The following FRMD4B variants were observed in gnomAD, a reference collection of about 807,000 sequenced individuals.
FRMD4B encodes the protein FERM domain-containing protein 4B.
Under a neutral mutation model 141.5 loss-of-function variants are expected in FRMD4B, and 74 were observed. The observed-to-expected ratio is 0.52, with a 90% CI of 0.43 to 0.63. FRMD4B has a LOEUF of 0.63. FRMD4B is among the 30% of genes least tolerant of loss of function. The probability of loss-of-function intolerance (pLI) is 0.00; values close to 1 mark genes in which losing one functional copy is unlikely to be tolerated. For synonymous variants in FRMD4B, 506 were observed against 467.9 expected, an observed-to-expected ratio of 1.08 and a Z score of -1.05; for missense variants, 1,366 against 1,253.4, an observed-to-expected ratio of 1.09 and a Z score of -1.36.
At chr3:69,461,450 C>A (rs1705705743) in intron 1 of FRMD4B, among the ~76,000 whole-genome samples, 1 of 151,378 alleles carries the variant, frequency 6.6e-6, no homozygotes, top group Non-Finnish European at 1.5e-5. Context: ...CATAGTGAGA[C>A]CCCCATCTCT....
chr3:69,299,051 G>A (rs1459524031), intron 4 of FRMD4B, among the ~76,000 whole-genome samples: 2 of 152,006 alleles, frequency 1.3e-5, no homozygotes, highest in Non-Finnish European at 2.9e-5. Flanking sequence ...GAATGCATTT[G>A]TTTATGTGTA....
At chr3:69,425,149 G>A (rs1367243671) in intron 2 of FRMD4B, among the ~76,000 whole-genome samples, 4 of 152,140 alleles carry the variant, frequency 2.6e-5, no homozygotes, top group Non-Finnish European at 5.9e-5. Context: ...AATTTATATA[G>A]TATTTCCATG....
chr3:69,300,303 C>T (rs1296465312), intron 4 of FRMD4B, among the ~76,000 whole-genome samples: 1 of 152,144 alleles, frequency 6.6e-6, no homozygotes, highest in African/African-American at 2.4e-5. Flanking sequence ...TCTCACTATA[C>T]TGTTGGGAGG....
chr3:69,464,796 T>A (rs9284822), intron 1 of FRMD4B, among the ~76,000 whole-genome samples: 4,635 of 152,176 alleles, frequency 0.03, 249 homozygotes, highest in African/African-American at 0.11. Flanking sequence ...AACAACTATC[T>A]CGATCCAACT....
chr3:69,537,377 C>G (rs182290703), intron 1 of FRMD4B, among the ~76,000 whole-genome samples: 13 of 152,310 alleles, frequency 8.5e-5, no homozygotes, highest in African/African-American at 2.9e-4. Flanking sequence ...GGCTGAAGAG[C>G]TGCAGAATAG....
chr3:69,188,164 C>T (rs966336947), intron 18 of FRMD4B, among the ~76,000 whole-genome samples: 2 of 152,154 alleles, frequency 1.3e-5, no homozygotes, highest in Non-Finnish European at 2.9e-5. Flanking sequence ...CAACAGGTGT[C>T]ACTTAGAGTG....
At chr3:69,494,341 T>A (rs1706351915) in intron 1 of FRMD4B, among the ~76,000 whole-genome samples, 1 of 152,178 alleles carries the variant, frequency 6.6e-6, no homozygotes, top group African/African-American at 2.4e-5. Flanking sequence ...GCAAGGAAAT[T>A]CAGTAAGACA....
chr3:69,418,550 T>C (rs149024196), intron 2 of FRMD4B, among the ~76,000 whole-genome samples: 60 of 152,280 alleles, frequency 3.9e-4, no homozygotes, highest in African/African-American at 1.3e-3. Flanking sequence ...CGAAAGACGT[T>C]CTCTTGCTGT....
chr3:69,453,205 T>A (rs1705527667), intron 1 of FRMD4B, among the ~76,000 whole-genome samples: 1 of 152,134 alleles, frequency 6.6e-6, no homozygotes, highest in South Asian at 2.1e-4. Flanking sequence ...AAAGACCTGA[T>A]TTGGTGTTTT....
At chr3:69,322,588 CTCTCTCT>C (rs776090189) in intron 1 of FRMD4B, among the ~76,000 whole-genome samples, 2 of 138,948 alleles carry the variant, frequency 1.4e-5, no homozygotes, top group Non-Finnish European at 3.1e-5. Context: ...AGATTTTTCT[CTCTCTCT>C]TTTTTTTTTT....
At chr3:69,208,355 C>T (rs750370102) in intron 11 of FRMD4B, among the ~76,000 whole-genome samples, 27 of 152,004 alleles carry the variant, frequency 1.8e-4, no homozygotes, top group Non-Finnish European at 2.8e-4. Context: ...TGAGCCACCA[C>T]GCCTGGCCTA....
At chr3:69,470,818 C>T (rs1705875695) in intron 1 of FRMD4B, among the ~76,000 whole-genome samples, 1 of 152,126 alleles carries the variant, frequency 6.6e-6, no homozygotes, top group African/African-American at 2.4e-5. Flanking sequence ...AAGATCTACC[C>T]AATTCATATG....
chr3:69,386,096 G>A (rs965177562), upstream of FRMD4B: 28 of 1,033,088 alleles, frequency 2.7e-5, no homozygotes, highest in Non-Finnish European at 3.6e-5. Context: ...GCTGGCAGCC[G>A]GGGGGTCAAG....
chr3:69,203,457 T>G (rs1057349620), intron 11 of FRMD4B, among the ~76,000 whole-genome samples: 6 of 152,212 alleles, frequency 3.9e-5, no homozygotes, highest in Non-Finnish European at 7.3e-5. Flanking sequence ...ATCCATTTCT[T>G]TTCCATCAAC....
intron 1 of FRMD4B, among the ~76,000 whole-genome samples, chr3:69,493,669 G>T (rs1050700542): frequency 6.6e-6 from 1 of 151,698 alleles, no homozygotes; most frequent in Admixed American, 6.6e-5. Context: ...CTCTTGATTT[G>T]CTTACTTCTT....
At chr3:69,451,134 T>C (rs775394658) in intron 1 of FRMD4B, among the ~76,000 whole-genome samples, 2 of 152,218 alleles carry the variant, frequency 1.3e-5, no homozygotes, top group Non-Finnish European at 2.9e-5. Context: ...CCCAGGGACC[T>C]TTCCACATCA....
At chr3:69,412,840 C>CTTTTT (rs869150440) in intron 2 of FRMD4B, among the ~76,000 whole-genome samples, 4 of 54,272 alleles carry the variant, frequency 7.4e-5, no homozygotes, top group East Asian at 8.9e-4. Flanking sequence ...AGAAGCTCCA[C>CTTTTT]TTTTTTTTTT....
chr3:69,464,222 AC>A (rs1705748346), intron 1 of FRMD4B, among the ~76,000 whole-genome samples: 1 of 152,134 alleles, frequency 6.6e-6, no homozygotes, highest in Non-Finnish European at 1.5e-5. Flanking sequence ...CATGCTGGTA[AC>A]TTTTTTTGCC....
At chr3:69,326,936 C>T (rs933101777) in intron 1 of FRMD4B, among the ~76,000 whole-genome samples, 6 of 151,804 alleles carry the variant, frequency 4.0e-5, no homozygotes, top group African/African-American at 9.7e-5. Flanking sequence ...TATTTTTAGA[C>T]GTCATGGTAC....
Sources: gnomAD v4.1 joint callset for allele counts (sites outside exome capture counted in the v4.1 genomes callset) on GRCh38, gnomAD v4.1.1 for gene constraint, MANE v1.5 for transcripts, NCBI Gene and HGNC (gene_info 2026-07-23, HGNC 2026-07-21) for gene names.